The following RBFOX2 variants were observed in gnomAD, a reference collection of about 807,000 sequenced individuals.
RBFOX2 encodes the protein RNA binding fox-1 homolog 2.
RBFOX2 carries 10 observed loss-of-function variants against 49.1 expected under a neutral mutation model. The observed-to-expected ratio is 0.20, with a 90% CI of 0.13 to 0.35. The LOEUF is 0.35. Among genes scored for constraint, RBFOX2 ranks in the 10% least tolerant of loss-of-function variants. The probability of loss-of-function intolerance (pLI) is 1.00; values close to 1 mark genes in which losing one functional copy is unlikely to be tolerated. For missense variants in RBFOX2, 323 were observed against 486.9 expected (o/e 0.66, Z 3.17); for synonymous variants, 183 against 187.4 (o/e 0.98, Z 0.19).
At chr22:35,884,884 T>C (rs2046372985) in intron 1 of RBFOX2, among the ~76,000 whole-genome samples, 1 of 152,098 alleles carries the variant, frequency 6.6e-6, no homozygotes, top group East Asian at 1.9e-4. Flanking sequence ...TCCTTCCCCG[T>C]TGTAAGATGA....
In RBFOX2 at chr22:35,816,836, C is replaced by A. The variant is rs144711262; in HGVS notation, c.28-6832G>T. 2.4e-4 allele frequency among the ~76,000 whole-genome samples: 36 copies of A among 152,292 alleles called. 1 individual carries two copies. In the South Asian group the frequency reaches 3.7e-3, roughly 16 times the overall value. ...CTGCTTCAGTCTCAACAGTAAGATG[C>A]AGTAAGAAACTACTTCCATACAACC... On this transcript the variant is annotated intron_variant, in intron 1 of 11. Transcript: ENST00000405409.
chr22:35,870,036 C>T (rs1422784113), intron 1 of RBFOX2, among the ~76,000 whole-genome samples: 2 of 152,176 alleles, frequency 1.3e-5, no homozygotes, highest in Admixed American at 6.5e-5. Flanking sequence ...TGATTGAGAT[C>T]ATGGCTCTAA....
At chr22:35,848,152 G>T (rs1281455405) in intron 1 of RBFOX2, among the ~76,000 whole-genome samples, 1 of 152,086 alleles carries the variant, frequency 6.6e-6, no homozygotes, top group Admixed American at 6.5e-5. Context: ...TTGTGGGTCA[G>T]AAATTTACTG....
chr22:35,784,206 T>C (rs959035368), intron 2 of RBFOX2, among the ~76,000 whole-genome samples: 5 of 152,196 alleles, frequency 3.3e-5, no homozygotes, highest in African/African-American at 1.2e-4. Flanking sequence ...CATAAGTTAG[T>C]TACACATTGT....
At chr22:35,796,145 G>T (rs1261576175) in intron 2 of RBFOX2, among the ~76,000 whole-genome samples, 1 of 152,102 alleles carries the variant, frequency 6.6e-6, no homozygotes, top group Non-Finnish European at 1.5e-5. Flanking sequence ...GGCCTACAAA[G>T]AAAAGAATCT....
intron 2 of RBFOX2, among the ~76,000 whole-genome samples, chr22:35,802,943 G>A (rs927284691): frequency 2.4e-4 from 36 of 152,212 alleles, no homozygotes; most frequent in African/African-American, 7.7e-4. Context: ...ATCATCAGAG[G>A]GTGAAAGCTC....
At chr22:35,806,616 A>C (rs1364010026) in intron 2 of RBFOX2, among the ~76,000 whole-genome samples, 2 of 152,240 alleles carry the variant, frequency 1.3e-5, no homozygotes, top group African/African-American at 4.8e-5. Context: ...TAAAAGGTAC[A>C]AAAATTATTT....
intron 2 of RBFOX2, among the ~76,000 whole-genome samples, chr22:35,808,501 C>T (rs1446649856): frequency 6.6e-6 from 1 of 152,074 alleles, no homozygotes; most frequent in Admixed American, 6.5e-5. Flanking sequence ...AGAAATCTAA[C>T]GACAGAGCTA....
At chr22:35,974,969 GCA>G (rs2057071505) in intron 1 of RBFOX2, among the ~76,000 whole-genome samples, 1 of 152,174 alleles carries the variant, frequency 6.6e-6, no homozygotes, top group African/African-American at 2.4e-5. Context: ...TCTCTCGAAA[GCA>G]CAGAGGCAAC....
At chr22:36,026,012 C>T (rs983515651) in intron 1 of RBFOX2, among the ~76,000 whole-genome samples, 1 of 152,156 alleles carries the variant, frequency 6.6e-6, no homozygotes, top group Non-Finnish European at 1.5e-5. Context: ...CACCTGTAAT[C>T]CCAACATTTT....
At position 35,759,808 on chromosome 22, in the gene RBFOX2, G is replaced by C. The variant is rs1017193475; in HGVS notation, c.887+80C>G. On this transcript the variant is annotated intron_variant, in intron 9 of 11. Transcript: ENST00000405409. This position sits in a 1 kb window ranked among gnomAD's most constrained non-coding sequence, Gnocchi z 4.6. ...TCTGTGACACGGCAACATCCCAGAA[G>C]TTATGAAAGGGCCATGGTATTCTTT... 44 of 1,567,202 alleles carry C rather than the reference G, an allele frequency of 2.8e-5. No individual in the cohort carries two copies. The highest frequency in any genetic ancestry group is 1.7e-4 in the Admixed American group (10 of 58,300).
At position 35,782,846 on chromosome 22, in the gene RBFOX2, A is replaced by G. The variant is rs1364395597; in HGVS notation, c.253-1100T>C. 2.6e-5 allele frequency among the ~76,000 whole-genome samples: 4 copies of G among 152,172 alleles called. No individual in the cohort carries two copies. The South Asian group carries it at 8.3e-4, about 32-fold the overall frequency. ...TTAAAGAGTATAAATGAGTGTGGGTATGCATTTATTTATTTATTTATTTTT... is the reference window on the plus strand; with the variant it reads ...TTAAAGAGTATAAATGAGTGTGGGTGTGCATTTATTTATTTATTTATTTTT... On this transcript the variant is annotated intron_variant, in intron 2 of 11. Coordinates refer to ENST00000405409, the Ensembl canonical transcript of RBFOX2.
chr22:35,869,259 A>G (rs2044052864), intron 1 of RBFOX2, among the ~76,000 whole-genome samples: 1 of 151,996 alleles, frequency 6.6e-6, no homozygotes, highest in African/African-American at 2.4e-5. Flanking sequence ...CCTGGGTTCA[A>G]GCGATTCTCT....
At chr22:36,009,153 C>T (rs2058722409) in intron 1 of RBFOX2, among the ~76,000 whole-genome samples, 1 of 152,188 alleles carries the variant, frequency 6.6e-6, no homozygotes, top group Non-Finnish European at 1.5e-5. Flanking sequence ...TGCAGCCCTC[C>T]AGTCATCATG....
intron 1 of RBFOX2, among the ~76,000 whole-genome samples, chr22:35,817,269 G>C (rs947532098): frequency 6.6e-6 from 1 of 152,042 alleles, no homozygotes; most frequent in Non-Finnish European, 1.5e-5. Context: ...CATGAGGTCA[G>C]GAGTTCAAGA....
chr22:35,843,058 T>C (rs1389636630), upstream of RBFOX2, among the ~76,000 whole-genome samples: 1 of 152,114 alleles, frequency 6.6e-6, no homozygotes, highest in Non-Finnish European at 1.5e-5. Context: ...ACTGGCACAA[T>C]GATATTTTGA....
intron 2 of RBFOX2, among the ~76,000 whole-genome samples, chr22:35,796,670 C>T (rs988421377): frequency 9.9e-5 from 15 of 152,188 alleles, no homozygotes; most frequent in African/African-American, 3.6e-4. Context: ...CAATCATGCA[C>T]TTTGCATGAA....
upstream of RBFOX2, among the ~76,000 whole-genome samples, chr22:35,964,183 C>T (rs1385329708): frequency 1.3e-5 from 2 of 152,016 alleles, no homozygotes; most frequent in Non-Finnish European, 2.9e-5. Context: ...GATTCCAAAG[C>T]CTGTGCATTT....
intron 9 of RBFOX2, among the ~76,000 whole-genome samples, chr22:35,753,545 G>A (rs1165704448): frequency 6.6e-6 from 1 of 151,490 alleles, no homozygotes; most frequent in Non-Finnish European, 1.5e-5. Flanking sequence ...CATTAACAAG[G>A]GGCCACTGGT....
Sources: allele counts gnomAD v4.1 joint callset (sites outside exome capture counted in the v4.1 genomes callset), GRCh38; gene constraint gnomAD v4.1.1; non-coding constraint Gnocchi (gnomAD v3.1); transcripts MANE v1.5; gene names NCBI Gene and HGNC (gene_info 2026-07-23, HGNC 2026-07-21).